CLIP1: variants seen among roughly 807,000 people sequenced by gnomAD.
CLIP1 encodes the protein CAP-Gly domain containing linker protein 1.
In CLIP1, 66 loss-of-function variants were observed where a neutral mutation model predicts 161.6. That is an observed-to-expected ratio of 0.41 (90% CI 0.33 to 0.50). The LOEUF (loss-of-function observed/expected upper bound fraction) is 0.50. Among genes scored for constraint, CLIP1 ranks in the 20% least tolerant of loss-of-function variants. The probability of loss-of-function intolerance (pLI) is 0.27; values close to 1 mark genes in which losing one functional copy is unlikely to be tolerated. For missense variants in CLIP1, 1,376 were observed against 1,702.0 expected (o/e 0.81, Z 3.37); for synonymous variants, 598 against 626.2 (o/e 0.96, Z 0.67).
intron 7 of CLIP1, 77 bp downstream of exon 7, chr12:122,354,376 C>G (rs191254035): frequency 1.8e-6 from 2 of 1,091,840 alleles, no homozygotes; most frequent in African/African-American, 3.1e-5. Context: ...GCCTGGGCAA[C>G]AGAGCTAGAC....
chr12:122,278,777 G>GCAGGCGCCCTTTA lies in CLIP1; in HGVS notation c.3916+2_3916+14dup. 1.3e-6 allele frequency: 2 copies of GCAGGCGCCCTTTA among 1,577,978 alleles called. No individual in the cohort carries two copies. Among genetic ancestry groups the GCAGGCGCCCTTTA allele is most frequent in the Non-Finnish European group, 1.7e-6 (2 of 1,163,936 alleles). On this transcript the variant is annotated intron_variant, in intron 23 of 25. Transcript: ENST00000620786. ...CGCGGGGTGTACAGAGAAGCACTGG[G>GCAGGCGCCCTTTA]CAGGCGCCCTTTACCTGAGGAGCTG...
At chr12:122,393,912 CAAAA>C (rs71082981) in intron 1 of CLIP1, among the ~76,000 whole-genome samples, 8 of 63,170 alleles carry the variant, frequency 1.3e-4, no homozygotes, top group African/African-American at 1.8e-4. Context: ...ATTCTGTCTC[CAAAA>C]AAAAAAAAAA....
intron 20 of CLIP1, among the ~76,000 whole-genome samples, chr12:122,305,732 G>A (rs948064641): frequency 6.6e-6 from 1 of 152,026 alleles, no homozygotes; most frequent in Non-Finnish European, 1.5e-5. Flanking sequence ...CTTTCATCTA[G>A]GTGGGCACAA....
rs918314671 is a variant in CLIP1, at chr12:122,355,413, C to T, written c.1006-101G>A. 1.2e-4 allele frequency: 129 copies of T among 1,058,090 alleles called. No individual in the cohort carries two copies. The highest frequency in any genetic ancestry group is 1.7e-4 in the Non-Finnish European group (121 of 716,558). 65.5% of individuals were successfully genotyped at this position (1,058,090 alleles called of 1,614,324 possible). ...GGGCATCTGCTCGGCAAAGCAAGGGCGCTGCTCCAGCTGGCAGGCTGGCCA... is the reference window on the plus strand; with the variant it reads ...GGGCATCTGCTCGGCAAAGCAAGGGTGCTGCTCCAGCTGGCAGGCTGGCCA... On this transcript the variant is annotated intron_variant, in intron 5 of 25. Transcript: ENST00000620786. This position sits in a 1 kb window ranked among gnomAD's most constrained non-coding sequence, Gnocchi z 4.1.
intron 3 of CLIP1, among the ~76,000 whole-genome samples, chr12:122,376,997 T>A (rs1459308193): frequency 6.6e-6 from 1 of 151,212 alleles, no homozygotes; most frequent in Non-Finnish European, 1.5e-5. Context: ...GTATCCTATG[T>A]GTGTATTTCT....
intron 24 of CLIP1, chr12:122,275,842 A>G (rs937885551): frequency 6.6e-6 from 1 of 152,208 alleles, no homozygotes; most frequent in Non-Finnish European, 1.5e-5. Flanking sequence ...AAAATGGAGA[A>G]GGCTAAAGCT....
chr12:122,309,206 T>C (rs1950979481), intron 20 of CLIP1, among the ~76,000 whole-genome samples: 1 of 152,236 alleles, frequency 6.6e-6, no homozygotes, highest in African/African-American at 2.4e-5. Context: ...GGTTTGCTTA[T>C]AGTTCATGCC....
intron 20 of CLIP1, among the ~76,000 whole-genome samples, chr12:122,305,620 G>A (rs1274940313): frequency 3.3e-5 from 5 of 152,286 alleles, no homozygotes; most frequent in East Asian, 3.9e-4. Context: ...GTGTCAACTC[G>A]ATTGGATTGA....
At chr12:122,358,466 A>AC (rs1953611512) in intron 5 of CLIP1, among the ~76,000 whole-genome samples, 1 of 150,214 alleles carries the variant, frequency 6.7e-6, no homozygotes, top group Non-Finnish European at 1.5e-5. Flanking sequence ...AGAAAAAAAA[A>AC]ACCACTTGTT....
chr12:122,413,220 A>G (rs1323147319), intron 1 of CLIP1, among the ~76,000 whole-genome samples: 2 of 152,216 alleles, frequency 1.3e-5, no homozygotes, highest in African/African-American at 2.4e-5. Flanking sequence ...CCTTGATTAA[A>G]AGATTTTCAG....
chr12:122,329,766 A>T (rs933761962), intron 15 of CLIP1, among the ~76,000 whole-genome samples: 1 of 152,188 alleles, frequency 6.6e-6, no homozygotes, highest in Non-Finnish European at 1.5e-5. Context: ...AAAAATGACA[A>T]TAAATAACTT....
chr12:122,358,205 C>A (rs1953587233), intron 5 of CLIP1, among the ~76,000 whole-genome samples: 1 of 151,108 alleles, frequency 6.6e-6, no homozygotes, highest in African/African-American at 2.4e-5. Flanking sequence ...AAGGGCGGTG[C>A]AAGATGTGCT....
At position 122,377,929 on chromosome 12, in the gene CLIP1, A is replaced by G. The variant is rs777010793; in HGVS notation, c.117T>C (p.Ser39=). 1.2e-6 allele frequency: 2 copies of G among 1,612,564 alleles called. No homozygotes were observed. Among genetic ancestry groups the G allele is most frequent in the South Asian group, 2.2e-5 (2 of 90,802 alleles). Residue 39 remains serine, a synonymous_variant, in exon 3 of 26, where the codon AGT becomes AGC. Coordinates refer to ENST00000620786, the MANE Select transcript of CLIP1 (RefSeq NM_001247997.2). ...VVAPVEKTIS[S]EKASSTPSSE... ...ATGATGGAGTGCTTGATGCTTTTTC[A>G]CTGGATATGGTTTTTTCTACTGGAG...
chr12:122,366,036 G>A (rs924150778), intron 3 of CLIP1, among the ~76,000 whole-genome samples: 1 of 151,792 alleles, frequency 6.6e-6, no homozygotes, highest in African/African-American at 2.4e-5. Context: ...AATAGGCCAG[G>A]CACGATGGCT....
In CLIP1 at chr12:122,279,243, T is replaced by A. The variant is rs1955551391; in HGVS notation, c.3648-98A>T. 5 of 635,294 alleles carry A rather than the reference T, an allele frequency of 7.9e-6. No homozygotes were observed. The East Asian group carries it at 1.0e-4, about 13-fold the overall frequency. The allele number at this position is 635,294 out of a possible 1,614,324, so 39.4% of individuals were successfully genotyped here. A position where few individuals can be genotyped will look rare whatever the true frequency, so the allele number is the denominator to read the frequency against. On this transcript the variant is annotated intron_variant, in intron 21 of 25. Coordinates refer to ENST00000620786, the MANE Select transcript of CLIP1 (RefSeq NM_001247997.2). The surrounding 1 kb of genome is among the most constrained non-coding windows in gnomAD (Gnocchi z 4.5). ...AACACATAATTAATGTTAGTTAATG[T>A]AAAAAAAAAAATATAACAGGGAAGT... is the stretch of plus-strand genomic sequence containing the variant.
chr12:122,332,318 T>C (rs1470493058), intron 15 of CLIP1, among the ~76,000 whole-genome samples: 3 of 151,926 alleles, frequency 2.0e-5, no homozygotes, highest in Admixed American at 6.6e-5. Context: ...AAAGCGTATA[T>C]GTATATATAC....
chr12:122,371,183 T>C (rs1954433647), intron 3 of CLIP1, among the ~76,000 whole-genome samples: 1 of 152,122 alleles, frequency 6.6e-6, no homozygotes, highest in Admixed American at 6.6e-5. Context: ...AATAAAGTTG[T>C]TAAAAGTTAG....
intron 12 of CLIP1, among the ~76,000 whole-genome samples, chr12:122,334,937 G>T (rs28576472): frequency 0.017 from 2,573 of 152,254 alleles, 62 homozygotes; most frequent in African/African-American, 0.055. Context: ...ATGTGGGAAG[G>T]CAGGTTCACC....
At chr12:122,409,929 G>A (rs1376811182) in intron 1 of CLIP1, among the ~76,000 whole-genome samples, 3 of 149,874 alleles carry the variant, frequency 2.0e-5, no homozygotes, top group Non-Finnish European at 4.4e-5. Context: ...GGAGTGCAGT[G>A]GTGAGATCTC....
Sources: allele counts gnomAD v4.1 joint callset (sites outside exome capture counted in the v4.1 genomes callset), GRCh38; gene constraint gnomAD v4.1.1; non-coding constraint Gnocchi (gnomAD v3.1); transcripts MANE v1.5; gene names NCBI Gene and HGNC (gene_info 2026-07-23, HGNC 2026-07-21).